The following AKR1C4 variants were observed in gnomAD, a reference collection of about 807,000 sequenced individuals.
The protein encoded by AKR1C4 is aldo-keto reductase family 1 member C4, also known as 3-alpha-HSD1.
Under a neutral mutation model 41.0 loss-of-function variants are expected in AKR1C4, and 44 were observed. That is an observed-to-expected ratio of 1.07 (90% CI 0.84 to 1.38). The LOEUF (loss-of-function observed/expected upper bound fraction) is 1.38. Among genes scored for constraint, AKR1C4 ranks in the 40% most tolerant of loss-of-function variants. AKR1C4 has a pLI of 0.00. For synonymous variants in AKR1C4, 165 were observed against 137.7 expected (o/e 1.20, Z -1.39); for missense variants, 438 against 387.9 (o/e 1.13, Z -1.09).
chr10:5,204,523 C>G (rs782699066), intron 3 of AKR1C4, 30 bp downstream of exon 3: 1 of 1,466,556 alleles, frequency 6.8e-7, no homozygotes, highest in Non-Finnish European at 9.6e-7. Context: ...AACTTCTCTT[C>G]TGTTCTCAGC....
intron 7 of AKR1C4, among the ~76,000 whole-genome samples, chr10:5,214,504 G>T (rs1322239231): frequency 6.6e-6 from 1 of 152,090 alleles, no homozygotes; most frequent in Non-Finnish European, 1.5e-5. Flanking sequence ...AGATCAATTT[G>T]GTGAGAACTG....
At chr10:5,216,420 A>C (rs528492659) in intron 7 of AKR1C4, among the ~76,000 whole-genome samples, 3 of 152,352 alleles carry the variant, frequency 2.0e-5, no homozygotes, top group African/African-American at 7.2e-5. Context: ...TCTGAATCTA[A>C]GTACATGAAC....
chr10:5,210,736 A>T (rs2398159), intron 5 of AKR1C4, among the ~76,000 whole-genome samples: 148,427 of 151,966 alleles, frequency 0.98, 72,586 homozygotes, highest in Middle Eastern at 1. Context: ...CTCAGCCTCC[A>T]GAGTAGCTGG....
intron 5 of AKR1C4, among the ~76,000 whole-genome samples, chr10:5,209,949 C>A (rs1832546106): frequency 6.6e-6 from 1 of 152,190 alleles, no homozygotes; most frequent in Admixed American, 6.5e-5. Context: ...AGTCTTAACT[C>A]ATTTCAGCAT....
chr10:5,204,622 C>T (rs4420164), intron 3 of AKR1C4, 129 bp downstream of exon 3: 1 of 796,790 alleles, frequency 1.3e-6, no homozygotes, highest in Non-Finnish European at 2.3e-6. Context: ...AGTATAATGC[C>T]TAAGCCATTT....
intron 5 of AKR1C4, among the ~76,000 whole-genome samples, chr10:5,209,926 A>G (rs1238944968): frequency 2.0e-5 from 3 of 152,200 alleles, no homozygotes; most frequent in African/African-American, 4.8e-5. Flanking sequence ...ATGCATTCCC[A>G]ATAGTCTTCC....
At chr10:5,201,691 C>T (rs1404509441) in intron 2 of AKR1C4, among the ~76,000 whole-genome samples, 3 of 152,054 alleles carry the variant, frequency 2.0e-5, no homozygotes, top group Non-Finnish European at 4.4e-5. Flanking sequence ...ATGTACAGGC[C>T]AATGTTAAGA....
rs1832488086 is a variant in AKR1C4 at position 5,206,406 on chromosome 10, C to T, written c.570+9C>T. The T allele has an allele frequency of 1.2e-6, 2 of 1,613,958 alleles. No homozygotes were observed. Among genetic ancestry groups the T allele is most frequent in the Non-Finnish European group, 1.7e-6 (2 of 1,179,902 alleles). ...AGCCTGTCTGCAACCAGGTGAGCAC[C>T]CTCAGCCTCCTCTCCTTTCTCTTCT... On this transcript the variant is annotated intron_variant, in intron 5 of 8. Coordinates refer to ENST00000263126, the MANE Select transcript of AKR1C4 (RefSeq NM_001818.5).
At chr10:5,201,269 T>C (rs1473658274) in intron 2 of AKR1C4, among the ~76,000 whole-genome samples, 1 of 152,178 alleles carries the variant, frequency 6.6e-6, no homozygotes, top group Non-Finnish European at 1.5e-5. Context: ...TGCCAACTTC[T>C]ACTGTCTTTT....
chr10:5,209,931 T>C (rs1351127812), intron 5 of AKR1C4, among the ~76,000 whole-genome samples: 1 of 152,196 alleles, frequency 6.6e-6, no homozygotes, highest in Non-Finnish European at 1.5e-5. Context: ...TTCCCAATAG[T>C]CTTCCAAAGT....
intron 5 of AKR1C4, chr10:5,207,840 C>T (rs892442074): frequency 3.6e-6 from 1 of 278,404 alleles, no homozygotes; most frequent in Admixed American, 5.3e-5. Flanking sequence ...TTCCTGTATG[C>T]CCTCCTGGGT....
In AKR1C4 at chr10:5,213,172, G is replaced by A. The variant is rs377237085; in HGVS notation, c.846+13G>A. 1.6e-5 allele frequency: 25 copies of A among 1,612,418 alleles called. No homozygotes were observed. In the African/African-American group the frequency reaches 3.1e-4, roughly 20 times the overall value. Reference sequence around the variant, plus strand: ...AGAGAACATCCAGGTGAGGAGTTGGGTGGGCATCAGGGCTCCTGCACAGTG... The same window carrying A: ...AGAGAACATCCAGGTGAGGAGTTGGATGGGCATCAGGGCTCCTGCACAGTG... On this transcript the variant is annotated intron_variant, in intron 7 of 8. Coordinates refer to ENST00000263126, the MANE Select transcript of AKR1C4 (RefSeq NM_001818.5).
Position 5,218,769 on chromosome 10 carries a change from G to A in AKR1C4, c.*9G>A, listed in dbSNP as rs1832694210. The stretch of plus-strand genomic sequence containing the variant: ...TTTCAGATGAATATTAGCATAGAGG[G>A]TGTTGCACGACATCTAGCAGAAGGC... On this transcript the variant is annotated 3_prime_UTR_variant, in exon 9 of 9. Coordinates refer to ENST00000263126, the MANE Select transcript of AKR1C4 (RefSeq NM_001818.5). 6 of 1,603,406 alleles carry A rather than the reference G, an allele frequency of 3.7e-6. No individual in the cohort carries two copies. Among genetic ancestry groups the A allele is most frequent in the Non-Finnish European group, 5.1e-6 (6 of 1,170,340 alleles).
At chr10:5,210,902 G>A (rs782608128) in intron 5 of AKR1C4, among the ~76,000 whole-genome samples, 2 of 152,288 alleles carry the variant, frequency 1.3e-5, no homozygotes, top group South Asian at 4.1e-4. Flanking sequence ...GAGCCACCAC[G>A]ACCAGCCCCA....
intron 2 of AKR1C4, among the ~76,000 whole-genome samples, chr10:5,201,130 A>G (rs7088788): frequency 0.18 from 27,738 of 152,010 alleles, 2,793 homozygotes; most frequent in Non-Finnish European, 0.23. Context: ...TACCAGTATT[A>G]GGATTGCTGA....
intron 8 of AKR1C4, 38 bp from the exon 9 acceptor site, chr10:5,218,680 T>A (rs1353139031): frequency 6.6e-7 from 1 of 1,519,384 alleles, no homozygotes; most frequent in African/African-American, 1.4e-5. Flanking sequence ...AATAGAGTCA[T>A]TTCATCCATA....
intron 2 of AKR1C4, among the ~76,000 whole-genome samples, chr10:5,201,425 G>A (rs1453879250): frequency 3.9e-5 from 6 of 152,050 alleles, no homozygotes; most frequent in African/African-American, 1.4e-4. Context: ...GTCTATTCAT[G>A]TTATTTGCCC....
intron 1 of AKR1C4, 62 bp downstream of exon 1, chr10:5,197,013 G>T: frequency 6.5e-7 from 1 of 1,526,818 alleles, no homozygotes; most frequent in Non-Finnish European, 9.1e-7. Context: ...AGTGAACGAT[G>T]ACCTGGGTTG....
chr10:5,206,559 C>CT (rs1202406345), intron 5 of AKR1C4, among the ~76,000 whole-genome samples, 162 bp downstream of exon 5: 24 of 152,306 alleles, frequency 1.6e-4, no homozygotes, highest in African/African-American at 5.3e-4. Flanking sequence ...AATTGCACCT[C>CT]TTCTTGGAGA....
Sources: gnomAD v4.1 joint callset for allele counts (sites outside exome capture counted in the v4.1 genomes callset) on GRCh38, gnomAD v4.1.1 for gene constraint, MANE v1.5 for transcripts, NCBI Gene and HGNC (gene_info 2026-07-23, HGNC 2026-07-21) for gene names.